The following GAB2 variants were observed in gnomAD, a reference collection of about 807,000 sequenced individuals.
The protein encoded by GAB2 is GRB2-associated-binding protein 2.
GAB2 carries 26 observed loss-of-function variants against 65.5 expected under a neutral mutation model. That is an observed-to-expected ratio of 0.40 (90% CI 0.29 to 0.55). GAB2 has a LOEUF of 0.55. Among genes scored for constraint, GAB2 ranks in the 20% least tolerant of loss-of-function variants. The pLI is 0.53. For missense variants in GAB2, 884 were observed against 875.8 expected, an observed-to-expected ratio of 1.01 and a Z score of -0.12; for synonymous variants, 321 against 329.6, an observed-to-expected ratio of 0.97 and a Z score of 0.28.
At chr11:78,300,763 C>CG (rs1866995805) in intron 1 of GAB2, among the ~76,000 whole-genome samples, 1 of 147,418 alleles carries the variant, frequency 6.8e-6, no homozygotes, top group Non-Finnish European at 1.5e-5. Flanking sequence ...GGCATGACCT[C>CG]GGCTCACTGC....
At chr11:78,319,470 A>G (rs1315840895) in intron 1 of GAB2, among the ~76,000 whole-genome samples, 1 of 152,218 alleles carries the variant, frequency 6.6e-6, no homozygotes, top group Non-Finnish European at 1.5e-5. Context: ...AGTTGGGGAA[A>G]AAAGTGGTAG....
chr11:78,223,711 T>TA (rs1245582694), intron 5 of GAB2, 35 bp from the exon 6 acceptor site: 2 of 1,528,060 alleles, frequency 1.3e-6, no homozygotes, highest in African/African-American at 1.4e-5. Flanking sequence ...ATACAGCTGT[T>TA]ACTAGCAAGA....
At chr11:78,305,848 C>A (rs1288799846) in intron 1 of GAB2, among the ~76,000 whole-genome samples, 2 of 152,224 alleles carry the variant, frequency 1.3e-5, no homozygotes, top group African/African-American at 4.8e-5. Flanking sequence ...CAGATTCCAA[C>A]TGAGGAGCTA....
chr11:78,291,805 A>G (rs1866689430), intron 1 of GAB2, among the ~76,000 whole-genome samples: 1 of 151,602 alleles, frequency 6.6e-6, no homozygotes, highest in South Asian at 2.1e-4. Context: ...GGCTCAAGTA[A>G]TTCTCCCACC....
intron 2 of GAB2, among the ~76,000 whole-genome samples, chr11:78,257,286 T>A (rs765629716): frequency 6.6e-6 from 1 of 152,178 alleles, no homozygotes; most frequent in Non-Finnish European, 1.5e-5. Context: ...AGTTCCCTTA[T>A]CTCAGTGCCC....
intron 2 of GAB2, among the ~76,000 whole-genome samples, chr11:78,276,117 A>G (rs910333960): frequency 4.0e-5 from 6 of 151,100 alleles, no homozygotes; most frequent in African/African-American, 1.5e-4. Context: ...GTCTCAAAAA[A>G]AAAAAAAAAA....
chr11:78,240,375 A>AT (rs1865095344), intron 3 of GAB2, among the ~76,000 whole-genome samples: 1 of 151,456 alleles, frequency 6.6e-6, no homozygotes, highest in South Asian at 2.1e-4. Context: ...GGCTGAGCTG[A>AT]TACAGGACCC....
chr11:78,332,391 A>G (rs2134678843), intron 1 of GAB2, among the ~76,000 whole-genome samples: 1 of 152,290 alleles, frequency 6.6e-6, no homozygotes, highest in African/African-American at 2.4e-5. Flanking sequence ...GGAGAAGCTT[A>G]TAGGGTACCT....
intron 1 of GAB2, among the ~76,000 whole-genome samples, chr11:78,361,348 C>G (rs562144670): frequency 3.3e-5 from 5 of 152,140 alleles, no homozygotes; most frequent in African/African-American, 9.7e-5. Flanking sequence ...AGTGACTACA[C>G]AGAAACCTAT....
chr11:78,340,111 A>AG (rs1260742630), intron 1 of GAB2, among the ~76,000 whole-genome samples: 2 of 152,332 alleles, frequency 1.3e-5, no homozygotes, highest in East Asian at 3.9e-4. Flanking sequence ...AAAGCTTACC[A>AG]GACTGATGTC....
Position 78,223,458 on chromosome 11 carries a change from C to G in GAB2, c.1521G>C (p.Glu507Asp), listed in dbSNP as rs766095023. ...PVHRGPSRGSEIQPPPVNRNL... is the reference protein window; with the variant it reads ...PVHRGPSRGSDIQPPPVNRNL... ...TGCGGTTGACAGGGGGTGGCTGAAT[C>G]TCACTTCCTCTGCTGGGGCCTCGGT... is the stretch of plus-strand genomic sequence containing the variant. The change falls in exon 6 of 10, where the codon GAG becomes GAC. Residue 507 changes from glutamate (E) to aspartate (D), a missense_variant. Physicochemically the swap from Glu to Asp is conservative, Grantham distance 45 (BLOSUM62 2). Transcript: ENST00000361507. 1.9e-6 allele frequency: 3 copies of G among 1,585,800 alleles called. No homozygotes were observed. Among genetic ancestry groups the G allele is most frequent in the African/African-American group, 1.4e-5 (1 of 74,022 alleles).
chr11:78,368,598 C>G (rs1191949752), intron 1 of GAB2, among the ~76,000 whole-genome samples: 2 of 152,008 alleles, frequency 1.3e-5, no homozygotes, highest in African/African-American at 4.8e-5. Context: ...AAGAATTTCA[C>G]TAAATACTAG....
In GAB2 at chr11:78,256,183, A is replaced by T. The variant is rs557658564; in HGVS notation, c.377-5783T>A. ...AACCAAAATGTCCTGACGAATGGAT[A>T]AACAAAATGTGATATATCCACACAA... On this transcript the variant is annotated intron_variant, in intron 2 of 9. Coordinates refer to ENST00000361507, the MANE Select transcript of GAB2 (RefSeq NM_080491.3). Among the ~76,000 whole-genome samples the T allele has an allele frequency of 7.9e-5, 12 of 152,378 alleles. No homozygotes were observed. In the East Asian group the frequency reaches 2.1e-3, roughly 27 times the overall value.
intron 2 of GAB2, among the ~76,000 whole-genome samples, chr11:78,266,521 A>G (rs1206993029): frequency 6.6e-6 from 1 of 152,180 alleles, no homozygotes; most frequent in Non-Finnish European, 1.5e-5. Flanking sequence ...CATTTCTATC[A>G]CTGGCCAGAT....
At chr11:78,282,038 A>G (rs568763472) in intron 1 of GAB2, among the ~76,000 whole-genome samples, 2 of 152,324 alleles carry the variant, frequency 1.3e-5, no homozygotes, top group South Asian at 2.1e-4. Context: ...CCTCAGGATT[A>G]TATTTCCTGT....
At chr11:78,326,456 C>G (rs943189509) in intron 1 of GAB2, among the ~76,000 whole-genome samples, 1 of 152,086 alleles carries the variant, frequency 6.6e-6, no homozygotes, top group East Asian at 1.9e-4. Context: ...TAACAGTAAA[C>G]CCTACTGAAT....
intron 1 of GAB2, among the ~76,000 whole-genome samples, chr11:78,394,923 T>C (rs1234016256): frequency 2.0e-5 from 3 of 150,366 alleles, no homozygotes; most frequent in Non-Finnish European, 4.4e-5. Context: ...CAATGGGGAG[T>C]GGACCCACAG....
At chr11:78,330,298 T>G (rs1438991620) in intron 1 of GAB2, among the ~76,000 whole-genome samples, 12 of 152,194 alleles carry the variant, frequency 7.9e-5, no homozygotes, top group Admixed American at 7.2e-4. Flanking sequence ...CTGGAGTGGT[T>G]TCCATTTCTC....
At chr11:78,395,749 C>A (rs991623633) in intron 1 of GAB2, among the ~76,000 whole-genome samples, 1 of 152,132 alleles carries the variant, frequency 6.6e-6, no homozygotes, top group Non-Finnish European at 1.5e-5. Flanking sequence ...GCTAAGGTTG[C>A]CATTATCTCT....
Sources: allele counts gnomAD v4.1 joint callset (sites outside exome capture counted in the v4.1 genomes callset), GRCh38; gene constraint gnomAD v4.1.1; transcripts MANE v1.5; gene names NCBI Gene and HGNC (gene_info 2026-07-23, HGNC 2026-07-21).